Variants in PARP4 observed in about 807,000 individuals in gnomAD.
PARP4 encodes the protein protein mono-ADP-ribosyltransferase PARP4.
A neutral mutation model predicts 187.7 loss-of-function variants in PARP4; 120 were observed. The observed-to-expected ratio is 0.64, with a 90% CI of 0.55 to 0.74. The LOEUF (loss-of-function observed/expected upper bound fraction) is 0.74, where lower values mean the gene tolerates loss of function less well. PARP4 is among the 30% of genes least tolerant of loss of function. The pLI is 0.00. For synonymous variants in PARP4, 654 were observed against 740.9 expected, an observed-to-expected ratio of 0.88 and a Z score of 1.90; for missense variants, 1,836 against 2,070.5, an observed-to-expected ratio of 0.89 and a Z score of 2.20.
intron 33 of PARP4, among the ~76,000 whole-genome samples, chr13:24,423,559 AC>A (rs1471848950): frequency 1.3e-5 from 2 of 152,016 alleles, no homozygotes; most frequent in African/African-American, 4.8e-5. Context: ...TAAAAACAAA[AC>A]AAAAAAAAAG....
intron 25 of PARP4, among the ~76,000 whole-genome samples, chr13:24,448,015 A>G (rs9507348): frequency 0.83 from 125,672 of 151,946 alleles, 54,494 homozygotes; most frequent in East Asian, 0.98. Context: ...AGACCAGCCT[A>G]GGCCCATGGC....
intron 32 of PARP4, among the ~76,000 whole-genome samples, chr13:24,428,630 C>T (rs533309083): frequency 4.6e-5 from 7 of 152,130 alleles, no homozygotes; most frequent in African/African-American, 1.4e-4. Flanking sequence ...CACAGGTACA[C>T]GCCACCATGC....
chr13:24,456,737 A>G (rs541847883), intron 20 of PARP4, among the ~76,000 whole-genome samples: 2 of 152,194 alleles, frequency 1.3e-5, no homozygotes, highest in East Asian at 3.9e-4. Flanking sequence ...TGTCTCTACT[A>G]AAAATACAAA....
chr13:24,504,586 GCCTGGGTTAATTTAATTAATTTA>G, intron 1 of PARP4, among the ~76,000 whole-genome samples: 1 of 151,882 alleles, frequency 6.6e-6, no homozygotes, highest in Non-Finnish European at 1.5e-5. Context: ...ACCACACCCA[GCCTGGGTTAATTTAATTAATTTA>G]CTGTACAACA....
intron 6 of PARP4, among the ~76,000 whole-genome samples, chr13:24,496,110 A>C (rs1868939049): frequency 6.6e-6 from 1 of 152,014 alleles, no homozygotes; most frequent in Non-Finnish European, 1.5e-5. Flanking sequence ...GGGCTTGCTA[A>C]GGGAGGAAGG....
At position 24,447,681 on chromosome 13, in the gene PARP4, G is replaced by A. The variant is rs145202042; in HGVS notation, c.3115-495C>T. 1.8e-4 allele frequency among the ~76,000 whole-genome samples: 28 copies of A among 152,316 alleles called. No individual in the cohort carries two copies. The East Asian group carries it at 5.4e-3, about 29-fold the overall frequency. Reference sequence around the variant, plus strand: ...CAGCTAGAATTTTAAATAATAGCATGATCATATCCTTTTCATTTACAAAGC... The same window carrying A: ...CAGCTAGAATTTTAAATAATAGCATAATCATATCCTTTTCATTTACAAAGC... On this transcript the variant is annotated intron_variant, in intron 25 of 33. Coordinates refer to ENST00000381989, the MANE Select transcript of PARP4 (RefSeq NM_006437.4).
At chr13:24,456,652 C>T (rs773184012) in intron 20 of PARP4, among the ~76,000 whole-genome samples, 174 bp from the exon 21 acceptor site, 2 of 152,172 alleles carry the variant, frequency 1.3e-5, no homozygotes, top group Non-Finnish European at 2.9e-5. Flanking sequence ...CAGTGGCTCA[C>T]ACCTGTAATC....
intron 1 of PARP4, among the ~76,000 whole-genome samples, chr13:24,507,476 C>T (rs1869775237): frequency 6.6e-6 from 1 of 152,190 alleles, no homozygotes; most frequent in Non-Finnish European, 1.5e-5. Flanking sequence ...GCCTAGGCCT[C>T]CCTCTCCCCC....
Position 24,434,494 on chromosome 13 carries a change from G to C in PARP4, c.4647C>G (p.Ile1549Met). 6.2e-7 allele frequency: 1 copy of C among 1,613,662 alleles called. No homozygotes were observed. The highest frequency in any genetic ancestry group is 1.1e-5 in the South Asian group (1 of 91,054). The change falls in exon 31 of 34, where the codon ATC becomes ATG. Residue 1549 changes from isoleucine to methionine, a missense_variant. By Grantham distance (10) the Ile-to-Met change is conservative. Coordinates refer to ENST00000381989, the MANE Select transcript of PARP4 (RefSeq NM_006437.4). Reference sequence around the variant, plus strand: ...CTTCTTTTACTTCCAGAAAGCACAGGATACTGTCATCTTTTGTATCACATT... The same window carrying C: ...CTTCTTTTACTTCCAGAAAGCACAGCATACTGTCATCTTTTGTATCACATT... Reference protein sequence around the residue: ...QIKCDTKDDSILCFLEVKEED... With the variant: ...QIKCDTKDDSMLCFLEVKEED...
chr13:24,431,012 TA>T (rs1426400263), intron 32 of PARP4, among the ~76,000 whole-genome samples: 1 of 152,192 alleles, frequency 6.6e-6, no homozygotes, highest in African/African-American at 2.4e-5. Context: ...GGAGCCACAG[TA>T]TGGAAGGAGT....
At chr13:24,472,018 T>TACAAAGCAAA (rs1237257569) in intron 15 of PARP4, among the ~76,000 whole-genome samples, 2 of 152,228 alleles carry the variant, frequency 1.3e-5, no homozygotes, top group Non-Finnish European at 2.9e-5. Flanking sequence ...CCGGATCCTT[T>TACAAAGCAAA]GCTTTGTATG....
chr13:24,467,794 A>G (rs9511295), intron 17 of PARP4, among the ~76,000 whole-genome samples: 78,960 of 151,954 alleles, frequency 0.52, 20,705 homozygotes, highest in South Asian at 0.65. Flanking sequence ...GAAATATGTA[A>G]GTATTAAGGA....
At chr13:24,464,262 A>G (rs1265842467) in intron 17 of PARP4, among the ~76,000 whole-genome samples, 1 of 152,172 alleles carries the variant, frequency 6.6e-6, no homozygotes, top group Admixed American at 6.5e-5. Flanking sequence ...CTATTAAACT[A>G]CCATTGACAT....
chr13:24,459,516 CAT>C (rs1189813460), intron 18 of PARP4: 2 of 428,036 alleles, frequency 4.7e-6, no homozygotes, highest in Non-Finnish European at 8.3e-6. Context: ...TTAAACTCTA[CAT>C]ATGTCTGTGT....
At chr13:24,471,761 C>A (rs1173258450) in intron 15 of PARP4, among the ~76,000 whole-genome samples, 1 of 152,186 alleles carries the variant, frequency 6.6e-6, no homozygotes, top group Non-Finnish European at 1.5e-5. Flanking sequence ...TACAAGTCAT[C>A]TAATCCCAAG....
At chr13:24,474,134 CT>C (rs1403751889) in intron 15 of PARP4, among the ~76,000 whole-genome samples, 2 of 152,122 alleles carry the variant, frequency 1.3e-5, no homozygotes, top group African/African-American at 4.8e-5. Context: ...AAACATGATC[CT>C]TCTAGTTATT....
intron 7 of PARP4, 53 bp from the exon 8 acceptor site, chr13:24,493,786 G>A (rs1868797064): frequency 1.9e-6 from 3 of 1,579,034 alleles, no homozygotes; most frequent in Non-Finnish European, 2.6e-6. Flanking sequence ...GTGAGTTTGT[G>A]TAAAACTTAC....
At chr13:24,434,042 G>A (rs559504234) in intron 31 of PARP4, among the ~76,000 whole-genome samples, 106 of 152,282 alleles carry the variant, frequency 7.0e-4, no homozygotes, top group African/African-American at 2.5e-3. Flanking sequence ...AATTTATGTG[G>A]ATTACAATCC....
intron 15 of PARP4, among the ~76,000 whole-genome samples, chr13:24,473,564 GT>G (rs1872830346): frequency 6.6e-6 from 1 of 151,746 alleles, no homozygotes; most frequent in Non-Finnish European, 1.5e-5. Flanking sequence ...AGGTCGCCAG[GT>G]TTCCCTCCTG....
Sources: gnomAD v4.1 joint callset for allele counts (sites outside exome capture counted in the v4.1 genomes callset) on GRCh38, gnomAD v4.1.1 for gene constraint, MANE v1.5 for transcripts, NCBI Gene and HGNC (gene_info 2026-07-23, HGNC 2026-07-21) for gene names.